Variants in INTS8 observed in about 807,000 individuals in gnomAD.
INTS8 encodes the protein integrator complex subunit 8.
Under a neutral mutation model 138.9 loss-of-function variants are expected in INTS8, and 47 were observed. The observed-to-expected ratio is 0.34, with a 90% CI of 0.27 to 0.43. The LOEUF is 0.43. INTS8 is among the 20% of genes least tolerant of loss of function. The pLI is 1.00. For missense variants in INTS8, 996 were observed against 1,173.0 expected (o/e 0.85, Z 2.20); for synonymous variants, 392 against 400.9 (o/e 0.98, Z 0.27).
chr8:94,876,708 A>G, intron 26 of INTS8: 2 of 444,236 alleles, frequency 4.5e-6, no homozygotes, highest in Admixed American at 4.1e-5. Context: ...CTCAGTCCCA[A>G]ACTTTCCAAT....
At chr8:94,856,752 C>A (rs1815761405) in intron 14 of INTS8, 25 bp from the exon 15 acceptor site, 1 of 1,605,376 alleles carries the variant, frequency 6.2e-7, no homozygotes, top group African/African-American at 1.3e-5. Context: ...AAAGGTGACC[C>A]AGGCTATTCT....
At position 94,856,818 on chromosome 8, in the gene INTS8, G is replaced by A. The variant is rs150183548; in HGVS notation, c.1794G>A (p.Glu598=). ...AACAGCTCTTTGCTGCTTGTTTGGA[G>A]TTGGTAACAGAGTTCTCACCGAAGC... ...HAKQLFAACL[E]LVTEFSPKLR... The change falls in exon 15 of 27, where the codon GAG becomes GAA. Residue 598 remains glutamate, a synonymous_variant. Coordinates refer to ENST00000523731, the MANE Select transcript of INTS8 (RefSeq NM_017864.4). The A allele has an allele frequency of 1.8e-4, 297 of 1,614,026 alleles. 2 individuals carry two copies. Among genetic ancestry groups the A allele is most frequent in the Middle Eastern group, 4.9e-4 (3 of 6,084 alleles).
intron 16 of INTS8, among the ~76,000 whole-genome samples, chr8:94,862,088 G>A (rs2131053064): frequency 6.6e-6 from 1 of 151,922 alleles, no homozygotes; most frequent in East Asian, 1.9e-4. Context: ...TTACAGGCAT[G>A]CACCACCACA....
intron 2 of INTS8, among the ~76,000 whole-genome samples, chr8:94,825,592 G>C (rs765039667): frequency 4.6e-5 from 7 of 152,064 alleles, no homozygotes; most frequent in African/African-American, 7.2e-5. Flanking sequence ...ATTAATGATA[G>C]ATGTTGTGTA....
chr8:94,842,406 T>C lies in INTS8; in HGVS notation c.1178T>C (p.Ile393Thr), dbSNP rs766058902. 29 of 1,603,994 alleles carry C rather than the reference T, an allele frequency of 1.8e-5. No homozygotes were observed. Among genetic ancestry groups the C allele is most frequent in the Admixed American group, 6.7e-5 (4 of 59,948 alleles). Reference sequence around the variant, plus strand: ...TGTGCCTGTAATACAGTCCGTGATATACTGGAAGGCAGAACAATTAGTGTT... The same window carrying C: ...TGTGCCTGTAATACAGTCCGTGATACACTGGAAGGCAGAACAATTAGTGTT... Reference protein sequence around the residue: ...KVCACNTVRDILEGRTISVQF... With the variant: ...KVCACNTVRDTLEGRTISVQF... The change falls in exon 10 of 27, where the codon ATA becomes ACA. Residue 393 changes from isoleucine (I) to threonine (T), a missense_variant. Coordinates refer to ENST00000523731, the MANE Select transcript of INTS8 (RefSeq NM_017864.4).
At chr8:94,860,179 A>C (rs1346397307) in intron 16 of INTS8, 1 of 152,474 alleles carries the variant, frequency 6.6e-6, no homozygotes, top group South Asian at 2.1e-4. Context: ...TATCAAAACT[A>C]ATAAGAAACT....
chr8:94,876,250 A>G lies in INTS8; in HGVS notation c.2792A>G (p.Tyr931Cys), dbSNP rs34652391. 6.2e-7 allele frequency: 1 copy of G among 1,612,542 alleles called. No homozygotes were observed. The highest frequency in any genetic ancestry group is 2.2e-5 in the East Asian group (1 of 44,768). The change falls in exon 25 of 27, where the codon TAC becomes TGC. Residue 931 changes from tyrosine (Y) to cysteine (C), a missense_variant. Tyr to Cys is a radical substitution (Grantham distance 194). Coordinates refer to ENST00000523731, the MANE Select transcript of INTS8 (RefSeq NM_017864.4). ...GATGCTATGGACTCCTACTACGACTACATATGGGATGTTACCATTTTGGAA... is the reference window on the plus strand; with the variant it reads ...GATGCTATGGACTCCTACTACGACTGCATATGGGATGTTACCATTTTGGAA... ...SHDAMDSYYD[Y>C]IWDVTILEYL...
rs914167028 is a variant in INTS8 at position 94,859,506 on chromosome 8, T to G, written c.1955-5T>G. On this transcript the variant is annotated splice_region_variant and splice_polypyrimidine_tract_variant and intron_variant, in intron 15 of 26. Transcript: ENST00000523731. ...ATTCCAACTGTTTTCTTCTTTGCTT[T>G]TTAGATATTCCTCTTCGTCAAGTTA... The G allele has an allele frequency of 3.7e-6, 6 of 1,611,822 alleles. No individual in the cohort carries two copies. Among genetic ancestry groups the G allele is most frequent in the Non-Finnish European group, 4.2e-6 (5 of 1,178,904 alleles).
intron 13 of INTS8, among the ~76,000 whole-genome samples, chr8:94,853,269 G>A (rs1005836723): frequency 6.6e-6 from 1 of 152,078 alleles, no homozygotes; most frequent in Non-Finnish European, 1.5e-5. Flanking sequence ...CAGAGATCAC[G>A]CCACTGCACT....
Position 94,827,850 on chromosome 8 carries a change from G to A in INTS8, c.518+57G>A, listed in dbSNP as rs1158041980. The A allele has an allele frequency of 3.7e-6, 5 of 1,366,188 alleles. No individual in the cohort carries two copies. In the East Asian group the frequency reaches 1.1e-4, roughly 31 times the overall value. The allele number at this position is 1,366,188 out of a possible 1,614,324, so 84.6% of individuals were successfully genotyped here. A position where few individuals can be genotyped will look rare whatever the true frequency, so the allele number is the denominator to read the frequency against. ...CTTTTTTCATTGGAGTTTTAAAAAT[G>A]TTTGCAAGTTTTTAATAACCTCTGT... On this transcript the variant is annotated intron_variant, in intron 4 of 26. Coordinates refer to ENST00000523731, the MANE Select transcript of INTS8 (RefSeq NM_017864.4).
chr8:94,845,660 A>C (rs1028932462), intron 10 of INTS8, among the ~76,000 whole-genome samples: 2 of 151,982 alleles, frequency 1.3e-5, no homozygotes, highest in Non-Finnish European at 2.9e-5. Context: ...ACAGGGTTTC[A>C]CGATATTGGC....
At chr8:94,826,426 C>T (rs967072654) in intron 2 of INTS8, among the ~76,000 whole-genome samples, 6 of 152,108 alleles carry the variant, frequency 3.9e-5, no homozygotes, top group Admixed American at 2.6e-4. Context: ...GGACTGCAGG[C>T]GCCCGCCACC....
rs774048127 is a variant in INTS8 at position 94,859,619 on chromosome 8, A to T, written c.2063A>T (p.Asn688Ile). ...LQVPAFLLQS[N>I]PYVKLGQLLA... ...GTTCCTGCATTTTTGCTTCAGAGTA[A>T]TCCATATGTAAAGGTAGTTAATGTT... Residue 688 changes from asparagine (N) to isoleucine (I), a missense_variant, in exon 16 of 27, where the codon AAT becomes ATT. Physicochemically the swap from Asn to Ile is moderately radical, Grantham distance 149 (BLOSUM62 -3). Coordinates refer to ENST00000523731, the MANE Select transcript of INTS8 (RefSeq NM_017864.4). 1.9e-6 allele frequency: 3 copies of T among 1,608,954 alleles called. No homozygotes were observed. Among genetic ancestry groups the T allele is most frequent in the Non-Finnish European group, 2.6e-6 (3 of 1,175,634 alleles).
intron 14 of INTS8, among the ~76,000 whole-genome samples, chr8:94,854,779 C>T (rs1402800677): frequency 1.3e-5 from 2 of 152,104 alleles, no homozygotes; most frequent in East Asian, 1.9e-4. Flanking sequence ...TTGCCCAGAC[C>T]GGGGTGCAGT....
At chr8:94,827,202 G>A (rs551885514) in intron 2 of INTS8, 61 bp from the exon 3 acceptor site, 29 of 1,426,514 alleles carry the variant, frequency 2.0e-5, no homozygotes, top group Non-Finnish European at 2.3e-5. Context: ...ATGGAATTTT[G>A]TATGTATTTT....
At chr8:94,854,991 C>A (rs942606958) in intron 14 of INTS8, among the ~76,000 whole-genome samples, 1 of 149,356 alleles carries the variant, frequency 6.7e-6, no homozygotes, top group South Asian at 2.1e-4. Context: ...AACAATCCTT[C>A]CACATCAGCC....
In INTS8 at chr8:94,853,822, C is replaced by G; in HGVS notation, c.1659C>G (p.Val553=). Residue 553 remains valine (V), a synonymous_variant, in exon 14 of 27, where the codon GTC becomes GTG. Coordinates refer to ENST00000523731, the MANE Select transcript of INTS8 (RefSeq NM_017864.4). ...TVSNKWEVPS[V]YSGVILGIKD... ...TCTTTTAGTGGGAAGTACCTTCTGTCTATAGTGGTGTTATCCTGGGAATTA... is the reference window on the plus strand; with the variant it reads ...TCTTTTAGTGGGAAGTACCTTCTGTGTATAGTGGTGTTATCCTGGGAATTA... The G allele has an allele frequency of 1.2e-6, 2 of 1,605,044 alleles. No individual in the cohort carries two copies. Among genetic ancestry groups the G allele is most frequent in the Non-Finnish European group, 1.7e-6 (2 of 1,171,854 alleles).
At chr8:94,850,262 T>A (rs563346772) in intron 12 of INTS8, among the ~76,000 whole-genome samples, 171 bp downstream of exon 12, 92 of 152,368 alleles carry the variant, frequency 6.0e-4, no homozygotes, top group Non-Finnish European at 1.2e-3. Flanking sequence ...AGTTATGCTC[T>A]GGAGCTCTGC....
chr8:94,850,751 G>A lies in INTS8; in HGVS notation c.1507+660G>A, dbSNP rs561365433. 9.2e-5 allele frequency among the ~76,000 whole-genome samples: 14 copies of A among 152,164 alleles called. No individual in the cohort carries two copies. In the South Asian group the frequency reaches 1.5e-3, roughly 16 times the overall value. The stretch of plus-strand genomic sequence containing the variant: ...GGGACCAAAAAGAGGACAGATTTTC[G>A]TGCATGTCAGTCTATATCACTGTGC... On this transcript the variant is annotated intron_variant, in intron 12 of 26. Transcript: ENST00000523731.
Sources: gnomAD v4.1 joint callset for allele counts (sites outside exome capture counted in the v4.1 genomes callset) on GRCh38, gnomAD v4.1.1 for gene constraint, MANE v1.5 for transcripts, NCBI Gene and HGNC (gene_info 2026-07-23, HGNC 2026-07-21) for gene names.